CTNNBL1: variants seen among roughly 807,000 people sequenced by gnomAD.
CTNNBL1 encodes the protein catenin beta like 1.
In CTNNBL1, 31 loss-of-function variants were observed where a neutral mutation model predicts 72.7. That is an observed-to-expected ratio of 0.43 (90% confidence interval 0.32 to 0.58). The LOEUF is 0.58. Among genes scored for constraint, CTNNBL1 ranks in the 20% least tolerant of loss-of-function variants. CTNNBL1 has a pLI of 0.08. For missense variants in CTNNBL1, 534 were observed against 725.1 expected (o/e 0.74, Z 3.03); for synonymous variants, 240 against 267.3 (o/e 0.90, Z 1.00).
At chr20:37,805,390 T>G (rs1343646652) in intron 11 of CTNNBL1, among the ~76,000 whole-genome samples, 2 of 143,568 alleles carry the variant, frequency 1.4e-5, no homozygotes, top group Non-Finnish European at 3.0e-5. Flanking sequence ...CTTAGTTTTG[T>G]TTTTTGTTTT....
At chr20:37,701,926 ATTGTACGC>A (rs2072848083) in intron 1 of CTNNBL1, among the ~76,000 whole-genome samples, 2 of 145,264 alleles carry the variant, frequency 1.4e-5, no homozygotes, top group African/African-American at 5.4e-5. Context: ...GGCGTAATAC[ATTGTACGC>A]TCATCTCAGC....
At chr20:37,770,113 C>T (rs2122672833) in intron 7 of CTNNBL1, among the ~76,000 whole-genome samples, 1 of 152,344 alleles carries the variant, frequency 6.6e-6, no homozygotes, top group South Asian at 2.1e-4. Flanking sequence ...TCCCTCTTGC[C>T]TTTCAGTCTT....
At chr20:37,864,888 A>G (rs1466821596) in intron 15 of CTNNBL1, among the ~76,000 whole-genome samples, 1 of 152,008 alleles carries the variant, frequency 6.6e-6, no homozygotes, top group Non-Finnish European at 1.5e-5. Flanking sequence ...CCGAGCTCCT[A>G]CCTCCTCTGG....
intron 10 of CTNNBL1, among the ~76,000 whole-genome samples, chr20:37,799,891 G>A (rs1011323181): frequency 2.6e-5 from 4 of 152,184 alleles, no homozygotes; most frequent in African/African-American, 9.6e-5. Context: ...TGAGAAGTCT[G>A]GGATGTGTTA....
At chr20:37,786,224 A>G (rs887355253) in intron 10 of CTNNBL1, among the ~76,000 whole-genome samples, 5 of 152,132 alleles carry the variant, frequency 3.3e-5, no homozygotes, top group African/African-American at 4.8e-5. Context: ...CCAGCACAGC[A>G]CTTGGTTTCA....
intron 5 of CTNNBL1, among the ~76,000 whole-genome samples, chr20:37,759,149 A>G (rs2073392660): frequency 6.6e-6 from 1 of 152,202 alleles, no homozygotes. Context: ...GCAAACTGCT[A>G]CTTTTGTAGA....
At chr20:37,788,226 C>T (rs1011522787) in intron 10 of CTNNBL1, among the ~76,000 whole-genome samples, 2 of 152,148 alleles carry the variant, frequency 1.3e-5, no homozygotes, top group East Asian at 1.9e-4. Flanking sequence ...GTAAGTTGTA[C>T]GGCTGTGTCT....
At chr20:37,791,575 A>G (rs1299270116) in intron 10 of CTNNBL1, among the ~76,000 whole-genome samples, 1 of 152,046 alleles carries the variant, frequency 6.6e-6, no homozygotes, top group Non-Finnish European at 1.5e-5. Flanking sequence ...TTGAATTTTA[A>G]TAGTTCTTTA....
intron 1 of CTNNBL1, among the ~76,000 whole-genome samples, chr20:37,716,132 A>AT: frequency 6.6e-6 from 1 of 151,938 alleles, no homozygotes. Context: ...TAAGACACTT[A>AT]TTTTTCTTAT....
chr20:37,742,993 G>A (rs142841912), intron 3 of CTNNBL1, among the ~76,000 whole-genome samples: 1,747 of 152,040 alleles, frequency 0.011, 40 homozygotes, highest in African/African-American at 0.039. Flanking sequence ...TAGTAGAGAC[G>A]GGGTTTCACT....
At position 37,775,600 on chromosome 20, in the gene CTNNBL1, A is replaced by G. The variant is rs143793393; in HGVS notation, c.751-1745A>G. Among the ~76,000 whole-genome samples, 243 of 152,310 alleles carry G rather than the reference A, an allele frequency of 1.6e-3. 1 individual carries two copies. Among genetic ancestry groups the G allele is most frequent in the African/African-American group, 5.4e-3 (226 of 41,554 alleles). The stretch of plus-strand genomic sequence containing the variant: ...TTATTTTCCTTTTTTAAAATTTGAT[A>G]TTTCTACAAAATTAATTTTAATTCA... On this transcript the variant is annotated intron_variant, in intron 7 of 15. Coordinates refer to ENST00000361383, the MANE Select transcript of CTNNBL1 (RefSeq NM_030877.5).
At chr20:37,869,078 C>A (rs1275901181) in intron 15 of CTNNBL1, among the ~76,000 whole-genome samples, 1 of 152,202 alleles carries the variant, frequency 6.6e-6, no homozygotes, top group Non-Finnish European at 1.5e-5. Flanking sequence ...CTCTAAGGGG[C>A]CTTAATAGGA....
chr20:37,771,270 C>T (rs755547784), intron 7 of CTNNBL1, among the ~76,000 whole-genome samples: 3 of 152,292 alleles, frequency 2.0e-5, no homozygotes, highest in African/African-American at 4.8e-5. Flanking sequence ...CTAGACCTAC[C>T]GTCTCAGTCT....
At chr20:37,855,578 T>C (rs1276241171) in intron 13 of CTNNBL1, among the ~76,000 whole-genome samples, 1 of 152,184 alleles carries the variant, frequency 6.6e-6, no homozygotes, top group Non-Finnish European at 1.5e-5. Flanking sequence ...GTTTGTGACC[T>C]CCAGGGGCCT....
At chr20:37,820,641 T>C (rs2122769987) in intron 11 of CTNNBL1, among the ~76,000 whole-genome samples, 1 of 152,270 alleles carries the variant, frequency 6.6e-6, no homozygotes, top group South Asian at 2.1e-4. Context: ...ATCCAATGGT[T>C]TAAAAGTGGC....
intron 11 of CTNNBL1, among the ~76,000 whole-genome samples, chr20:37,827,007 C>T (rs973254470): frequency 2.0e-5 from 3 of 152,222 alleles, no homozygotes; most frequent in Non-Finnish European, 4.4e-5. Context: ...CAGATCCCTC[C>T]CTGTGCCTCA....
chr20:37,826,322 A>T (rs559952668), intron 11 of CTNNBL1, among the ~76,000 whole-genome samples: 128 of 152,380 alleles, frequency 8.4e-4, no homozygotes, highest in African/African-American at 2.9e-3. Context: ...AGAGAATGGA[A>T]TACCATGGGA....
intron 13 of CTNNBL1, among the ~76,000 whole-genome samples, chr20:37,849,436 T>G (rs1410797882): frequency 6.6e-6 from 1 of 152,222 alleles, no homozygotes; most frequent in African/African-American, 2.4e-5. Context: ...AAAGCCATTC[T>G]GTACCACTCA....
intron 5 of CTNNBL1, among the ~76,000 whole-genome samples, chr20:37,760,028 ATTTGTGG>A (rs1187577803): frequency 6.6e-6 from 1 of 152,218 alleles, no homozygotes; most frequent in Non-Finnish European, 1.5e-5. Flanking sequence ...AGGATGGCAC[ATTTGTGG>A]GGAAAGAACA....
Sources: allele counts gnomAD v4.1 joint callset (sites outside exome capture counted in the v4.1 genomes callset), GRCh38; gene constraint gnomAD v4.1.1; transcripts MANE v1.5; gene names NCBI Gene and HGNC (gene_info 2026-07-23, HGNC 2026-07-21).